SACS: variants seen among roughly 807,000 people sequenced by gnomAD.
The protein encoded by SACS is sacsin molecular chaperone, also known as sacsin.
A neutral mutation model predicts 348.0 loss-of-function variants in SACS; 197 were observed. That is an observed-to-expected ratio of 0.57 (90% CI 0.50 to 0.64). The LOEUF is 0.64. SACS is among the 30% of genes least tolerant of loss of function. The pLI is 0.00. For missense variants in SACS, 4,999 were observed against 5,360.8 expected (o/e 0.93, Z 2.11); for synonymous variants, 1,985 against 1,910.6 (o/e 1.04, Z -1.02).
At chr13:23,431,949 C>T (rs1402494021) in intron 1 of SACS, among the ~76,000 whole-genome samples, 1 of 152,244 alleles carries the variant, frequency 6.6e-6, no homozygotes, top group Non-Finnish European at 1.5e-5. Flanking sequence ...AACGACAAAA[C>T]TCTTACTAAA....
rs1293576848 is a variant in SACS at position 23,333,980 on chromosome 13, TCTC to T, written c.9893_9895del (p.Gly3298del). 4.3e-6 allele frequency: 7 copies of T among 1,613,890 alleles called. No homozygotes were observed. The highest frequency in any genetic ancestry group is 1.6e-4 in the Middle Eastern group (1 of 6,062). ...CATAAGGCTGAGAGGAAGCAGAACA[TCTC>T]CTTCAGGAACCACAAGCTGGTTGGC... is the stretch of plus-strand genomic sequence containing the variant. On this transcript the variant is annotated inframe_deletion, in exon 10 of 10. Coordinates refer to ENST00000382292, the MANE Select transcript of SACS (RefSeq NM_014363.6).
At chr13:23,377,534 T>C (rs745376180) in intron 2 of SACS, among the ~76,000 whole-genome samples, 7 of 152,154 alleles carry the variant, frequency 4.6e-5, no homozygotes, top group Non-Finnish European at 8.8e-5. Context: ...AAAATCTTCT[T>C]ATCCTGTCCA....
chr13:23,339,538 A>G lies in SACS; in HGVS notation c.4338T>C (p.Pro1446=), dbSNP rs1189105592. Residue 1446 remains proline, a synonymous_variant, in exon 10 of 10, where the codon CCT becomes CCC. Transcript: ENST00000382292. ...VPCLSTRLIN[P]ENMGFEQSGQ... ...CTGACTGCTCAAATCCCATGTTTTC[A>G]GGATTTATCAGTCTTGTACTAAGGC... The G allele has an allele frequency of 3.7e-6, 6 of 1,613,178 alleles. No individual in the cohort carries two copies. The highest frequency in any genetic ancestry group is 5.1e-6 in the Non-Finnish European group (6 of 1,179,216).
At chr13:23,371,268 GTCT>G in intron 3 of SACS, 103 bp from the exon 4 acceptor site, 1 of 532,156 alleles carries the variant, frequency 1.9e-6, no homozygotes, top group Middle Eastern at 5.0e-4. Flanking sequence ...TGCTTGTTAA[GTCT>G]TCTTATCATG....
chr13:23,398,512 C>G (rs1231015847), intron 2 of SACS, among the ~76,000 whole-genome samples: 1 of 132,492 alleles, frequency 7.5e-6, no homozygotes, highest in African/African-American at 2.8e-5. Context: ...CCAGCCTGGG[C>G]GACAAGAGTG....
rs557602923 is a variant in SACS, at chr13:23,359,136, C to T, written c.458-655G>A. 5.9e-5 allele frequency among the ~76,000 whole-genome samples: 9 copies of T among 151,926 alleles called. No homozygotes were observed. The East Asian group carries it at 1.5e-3, about 26-fold the overall frequency. On this transcript the variant is annotated intron_variant, in intron 6 of 9. Coordinates refer to ENST00000382292, the MANE Select transcript of SACS (RefSeq NM_014363.6). Reference sequence around the variant, plus strand: ...GGCAGAGGCTTCAGTGAGCCGAGATCGCGCCACCGCACTCCAGCCTGGGCA... The same window carrying T: ...GGCAGAGGCTTCAGTGAGCCGAGATTGCGCCACCGCACTCCAGCCTGGGCA...
intron 1 of SACS, chr13:23,428,941 A>G (rs1874305892): frequency 6.6e-6 from 1 of 152,218 alleles, no homozygotes; most frequent in Non-Finnish European, 1.5e-5. Context: ...CTCAGATTCT[A>G]GCTTGTCAAC....
chr13:23,334,181 G>T lies in SACS; in HGVS notation c.9695C>A (p.Thr3232Lys). The change falls in exon 10 of 10, where the codon ACA (threonine) becomes AAA (lysine). Residue 3232 changes from threonine (T) to lysine (K), a missense_variant. Coordinates refer to ENST00000382292, the MANE Select transcript of SACS (RefSeq NM_014363.6). ...ACTTGCAAAATTGTCTTTCCACTTTGTGCAACTTTTGGTCTTATATTCTCG... is the reference window on the plus strand; with the variant it reads ...ACTTGCAAAATTGTCTTTCCACTTTTTGCAACTTTTGGTCTTATATTCTCG... ...LPREYKTKSC[T>K]KWKDNFASES... The T allele has an allele frequency of 6.2e-7, 1 of 1,613,788 alleles. No homozygotes were observed. The highest frequency in any genetic ancestry group is 8.5e-7 in the Non-Finnish European group (1 of 1,179,790).
intron 6 of SACS, among the ~76,000 whole-genome samples, chr13:23,361,974 C>T (rs763997335): frequency 1.3e-5 from 2 of 152,244 alleles, no homozygotes; most frequent in Middle Eastern, 3.4e-3. Flanking sequence ...AGCACATACA[C>T]GGTGTTTACT....
chr13:23,417,933 G>T (rs1873749231), intron 1 of SACS, among the ~76,000 whole-genome samples: 1 of 151,870 alleles, frequency 6.6e-6, no homozygotes, highest in African/African-American at 2.4e-5. Context: ...GCCAGGCATG[G>T]TGGCACGCAC....
intron 7 of SACS, among the ~76,000 whole-genome samples, chr13:23,357,383 T>C (rs754787935): frequency 4.6e-5 from 7 of 152,192 alleles, no homozygotes; most frequent in Non-Finnish European, 1.0e-4. Flanking sequence ...GTCAATATTA[T>C]TTAATAGAAT....
At chr13:23,412,035 A>C (rs1873504540) in intron 1 of SACS, among the ~76,000 whole-genome samples, 1 of 152,174 alleles carries the variant, frequency 6.6e-6, no homozygotes, top group African/African-American at 2.4e-5. Context: ...AGAGGCGCGC[A>C]GGTCACAAGG....
Position 23,334,581 on chromosome 13 carries a change from T to C in SACS, c.9295A>G (p.Arg3099Gly). The C allele has an allele frequency of 6.2e-7, 1 of 1,613,558 alleles. No homozygotes were observed. The highest frequency in any genetic ancestry group is 8.5e-7 in the Non-Finnish European group (1 of 1,179,770). Residue 3099 changes from arginine (R) to glycine (G), a missense_variant, in exon 10 of 10, where the codon AGA (arginine) becomes GGA (glycine). Physicochemically the swap from Arg to Gly is moderately radical, Grantham distance 125. Around this residue, in one of 6 missense-constraint regions of SACS, gnomAD observed 734 missense variants for 694.0 expected, o/e 1.06. Coordinates refer to ENST00000382292, the MANE Select transcript of SACS (RefSeq NM_014363.6). Reference sequence around the variant, plus strand: ...GAGGAAAATGTCATTAAAAAAGATCTGATATCAGCAGGGGTCACATAACTA... The same window carrying C: ...GAGGAAAATGTCATTAAAAAAGATCCGATATCAGCAGGGGTCACATAACTA... ...PVSYVTPADI[R>G]SFLMTFSSPD...
chr13:23,341,000 T>A lies in SACS; in HGVS notation c.2876A>T (p.Asp959Val). 1 of 1,614,184 alleles carries A rather than the reference T, an allele frequency of 6.2e-7. No individual in the cohort carries two copies. Among genetic ancestry groups the A allele is most frequent in the African/African-American group, 1.3e-5 (1 of 75,080 alleles). ...TATTACTGAAATAGAAAGTCGCAGA[T>A]CTGCTGGGAGTTTGGCAGTATGGTG... ...VLHHTAKLPADLRLSISVIDS... is the reference protein window; with the variant it reads ...VLHHTAKLPAVLRLSISVIDS... Residue 959 changes from aspartate (D) to valine (V), a missense_variant, in exon 10 of 10, where the codon GAT (aspartate) becomes GTT (valine). Transcript: ENST00000382292.
At chr13:23,342,583 T>C (rs1329245254) in intron 9 of SACS, among the ~76,000 whole-genome samples, 1 of 152,202 alleles carries the variant, frequency 6.6e-6, no homozygotes, top group Non-Finnish European at 1.5e-5. Flanking sequence ...AATGAGCATT[T>C]CTTTTGAGTG....
rs768317695 is a variant in SACS, at chr13:23,333,549, T to C, written c.10327A>G (p.Lys3443Glu). 4 of 1,613,536 alleles carry C rather than the reference T, an allele frequency of 2.5e-6. No homozygotes were observed. Among genetic ancestry groups the C allele is most frequent in the East Asian group, 4.5e-5 (2 of 44,864 alleles). Residue 3443 changes from lysine to glutamate, a missense_variant, in exon 10 of 10, where the codon AAA (lysine) becomes GAA (glutamate). Physicochemically the swap from Lys to Glu is moderately conservative, Grantham distance 56 (BLOSUM62 1). This residue lies in a region of SACS where 734 missense variants were observed against 694.0 expected (regional missense o/e 1.06). Coordinates refer to ENST00000382292, the MANE Select transcript of SACS (RefSeq NM_014363.6). ...TKSIPSAEVEKWTQSSSSAFL... is the reference protein window; with the variant it reads ...TKSIPSAEVEEWTQSSSSAFL... ...GCAGATGATGATGACTGTGTCCATT[T>C]CTCCACTTCAGCTGAAGGGATACTT...
Position 23,404,551 on chromosome 13 carries a change from T to C in SACS, c.20+6669A>G, listed in dbSNP as rs561851640. ...TCTCTCTCACCACTCCTATTCAAAA[T>C]AGTATTGGAAGTTCTGGCCAGGGCA... On this transcript the variant is annotated intron_variant, in intron 2 of 9. Transcript: ENST00000382292. Among the ~76,000 whole-genome samples the C allele has an allele frequency of 7.9e-5, 12 of 152,218 alleles. No homozygotes were observed. In the South Asian group the frequency reaches 1.2e-3, roughly 16 times the overall value.
chr13:23,365,135 A>G (rs1837880362), intron 6 of SACS, 31 bp downstream of exon 6: 6 of 1,432,708 alleles, frequency 4.2e-6, no homozygotes, highest in Non-Finnish European at 4.9e-6. Context: ...AGTGCATACA[A>G]TAAAATTTGT....
chr13:23,427,330 G>A (rs1455118212), intron 1 of SACS: 1 of 152,218 alleles, frequency 6.6e-6, no homozygotes, highest in East Asian at 1.9e-4. Context: ...AATCAGTGCT[G>A]TCCAGCAGCT....
Sources: allele counts gnomAD v4.1 joint callset (sites outside exome capture counted in the v4.1 genomes callset), GRCh38; gene constraint gnomAD v4.1.1; regional missense constraint gnomAD v4.1.1; transcripts MANE v1.5; gene names NCBI Gene and HGNC (gene_info 2026-07-23, HGNC 2026-07-21).